Variants in NKAIN2 observed in about 807,000 individuals in gnomAD.
The protein encoded by NKAIN2 is sodium/potassium-transporting ATPase subunit beta-1-interacting protein 2.
A neutral mutation model predicts 32.6 loss-of-function variants in NKAIN2; 14 were observed. The ratio of observed to expected loss-of-function variants is 0.43; its 90% CI spans 0.28 to 0.67. The LOEUF is 0.67. NKAIN2 is among the 30% of genes least tolerant of loss of function. The pLI is 0.17. For missense variants in NKAIN2, 198 were observed against 258.3 expected (o/e 0.77, Z 1.60); for synonymous variants, 80 against 87.2 (o/e 0.92, Z 0.46).
intron 1 of NKAIN2, among the ~76,000 whole-genome samples, chr6:124,218,456 AG>A (rs962431574): frequency 6.6e-6 from 1 of 152,188 alleles, no homozygotes; most frequent in African/African-American, 2.4e-5. Flanking sequence ...TTTGGAAAAA[AG>A]AATGAAAAAC....
chr6:123,918,356 T>C (rs1459540030), intron 1 of NKAIN2, among the ~76,000 whole-genome samples: 3 of 152,226 alleles, frequency 2.0e-5, no homozygotes, highest in African/African-American at 7.2e-5. Context: ...ATTGAGGAAA[T>C]ACTCTCTTAG....
intron 3 of NKAIN2, among the ~76,000 whole-genome samples, chr6:124,413,676 A>G (rs1271067392): frequency 6.6e-6 from 1 of 152,188 alleles, no homozygotes; most frequent in East Asian, 1.9e-4. Flanking sequence ...GTTCTGGACT[A>G]TAAAGGTGAT....
intron 4 of NKAIN2, among the ~76,000 whole-genome samples, chr6:124,752,937 G>T (rs143983933): frequency 6.6e-6 from 1 of 152,006 alleles, no homozygotes; most frequent in Non-Finnish European, 1.5e-5. Flanking sequence ...TCCAAATTTT[G>T]TATTATTCTT....
intron 1 of NKAIN2, among the ~76,000 whole-genome samples, chr6:123,938,396 TTATATATATATATATATATATATATATA>T (rs71021471): frequency 6.1e-4 from 33 of 54,168 alleles, no homozygotes; most frequent in South Asian, 1.4e-3. Flanking sequence ...TTTGCAAGGG[TTATATATATATATATATATATATATATA>T]TATATATATA....
chr6:124,726,974 G>A (rs1404739029), intron 4 of NKAIN2, among the ~76,000 whole-genome samples: 3 of 146,868 alleles, frequency 2.0e-5, no homozygotes, highest in Middle Eastern at 3.4e-3. Context: ...AAGATGAAAT[G>A]AATGAAATGA....
rs558443018 is a variant in NKAIN2 at position 124,140,747 on chromosome 6, C to A, written c.55-142258C>A. 9.9e-5 allele frequency among the ~76,000 whole-genome samples: 15 copies of A among 152,178 alleles called. No homozygotes were observed. The East Asian group carries it at 2.1e-3, about 22-fold the overall frequency. ...ACATATTATCCAAATAATACACATT[C>A]ATTGTAGAAAAAAATTTTAATTACT... On this transcript the variant is annotated intron_variant, in intron 1 of 6. Transcript: ENST00000368417.
At chr6:124,062,795 G>A (rs929516014) in intron 1 of NKAIN2, among the ~76,000 whole-genome samples, 3 of 152,162 alleles carry the variant, frequency 2.0e-5, no homozygotes, top group Admixed American at 1.3e-4. Context: ...ATCATTGGCA[G>A]TGTGTGATAG....
intron 3 of NKAIN2, among the ~76,000 whole-genome samples, chr6:124,395,422 A>ATC (rs1773335692): frequency 6.6e-6 from 1 of 152,216 alleles, no homozygotes; most frequent in African/African-American, 2.4e-5. Flanking sequence ...TATCATAGAT[A>ATC]CACTTATAAC....
chr6:123,910,330 C>G (rs372332512), intron 1 of NKAIN2, among the ~76,000 whole-genome samples: 1 of 151,862 alleles, frequency 6.6e-6, no homozygotes, highest in Non-Finnish European at 1.5e-5. Flanking sequence ...TTTACAACAC[C>G]CTTGAAAATA....
At chr6:123,959,925 ATGTGTGTG>A (rs6149793) in intron 1 of NKAIN2, among the ~76,000 whole-genome samples, 5,097 of 141,302 alleles carry the variant, frequency 0.036, 142 homozygotes, top group African/African-American at 0.078. Flanking sequence ...TCTTCCATAT[ATGTGTGTG>A]TGTGTGTGTG....
intron 1 of NKAIN2, among the ~76,000 whole-genome samples, chr6:123,852,283 C>CTT (rs35780180): frequency 0.087 from 13,093 of 151,196 alleles, 829 homozygotes; most frequent in African/African-American, 0.18. Context: ...TCACAAACTT[C>CTT]TTTTTTTTTG....
intron 1 of NKAIN2, among the ~76,000 whole-genome samples, chr6:124,209,868 T>C (rs978756103): frequency 1.3e-5 from 2 of 151,868 alleles, no homozygotes; most frequent in African/African-American, 2.4e-5. Context: ...GTCAGATGGG[T>C]AGTTGCAAAT....
At chr6:124,309,810 T>C (rs1583027759) in intron 2 of NKAIN2, among the ~76,000 whole-genome samples, 1 of 152,128 alleles carries the variant, frequency 6.6e-6, no homozygotes, top group South Asian at 2.1e-4. Flanking sequence ...CCTAGTTTTA[T>C]TGATTTTACC....
At chr6:123,995,279 C>G (rs1023994381) in intron 1 of NKAIN2, among the ~76,000 whole-genome samples, 1 of 152,108 alleles carries the variant, frequency 6.6e-6, no homozygotes, top group Non-Finnish European at 1.5e-5. Flanking sequence ...GGTGACAAGG[C>G]AGTTCTAGGA....
chr6:124,514,328 C>A (rs1778824932), intron 3 of NKAIN2, among the ~76,000 whole-genome samples: 2 of 152,114 alleles, frequency 1.3e-5, no homozygotes, highest in Non-Finnish European at 1.5e-5. Context: ...TTGGACAATA[C>A]CCCACTGGAT....
At chr6:123,949,545 T>G (rs1345186874) in intron 1 of NKAIN2, among the ~76,000 whole-genome samples, 1 of 152,012 alleles carries the variant, frequency 6.6e-6, no homozygotes, top group African/African-American at 2.4e-5. Context: ...TCCTACGTAT[T>G]TGGTTCATTT....
rs185856530 is a variant in NKAIN2 at position 124,347,908 on chromosome 6, G to A, written c.193-7359G>A. Among the ~76,000 whole-genome samples, 21 of 152,274 alleles carry A rather than the reference G, an allele frequency of 1.4e-4. No individual in the cohort carries two copies. In the South Asian group the frequency reaches 1.5e-3, roughly 11 times the overall value. ...TGCGTTCCTTTGGAGGAGGAGAGGC[G>A]CTCTGCTTTTTAGAGTTTCCAGTTT... On this transcript the variant is annotated intron_variant, in intron 2 of 6. Coordinates refer to ENST00000368417, the MANE Select transcript of NKAIN2 (RefSeq NM_001040214.3).
intron 1 of NKAIN2, among the ~76,000 whole-genome samples, chr6:123,866,524 G>T (rs1274987804): frequency 1.3e-5 from 2 of 152,044 alleles, no homozygotes; most frequent in Non-Finnish European, 2.9e-5. Flanking sequence ...TCCGCCTCCT[G>T]GATTCAAGCC....
At chr6:124,561,627 T>TC (rs1356086671) in intron 3 of NKAIN2, among the ~76,000 whole-genome samples, 2 of 152,216 alleles carry the variant, frequency 1.3e-5, no homozygotes, top group African/African-American at 4.8e-5. Context: ...TTCTTTTTTT[T>TC]CATCTATAAC....
Sources: gnomAD v4.1 joint callset for allele counts (sites outside exome capture counted in the v4.1 genomes callset) on GRCh38, gnomAD v4.1.1 for gene constraint, MANE v1.5 for transcripts, NCBI Gene and HGNC (gene_info 2026-07-23, HGNC 2026-07-21) for gene names.